NKAIN2: variants seen among roughly 807,000 people sequenced by gnomAD.
The protein encoded by NKAIN2 is sodium/potassium-transporting ATPase subunit beta-1-interacting protein 2.
A neutral mutation model predicts 32.6 loss-of-function variants in NKAIN2; 14 were observed. That is an observed-to-expected ratio of 0.43 (90% CI 0.28 to 0.67). The LOEUF is 0.67. Ranked by LOEUF, NKAIN2 falls within the 30% of genes least tolerant of loss-of-function variation. The pLI is 0.17. For missense variants in NKAIN2, 198 were observed against 258.3 expected, an observed-to-expected ratio of 0.77 and a Z score of 1.60; for synonymous variants, 80 against 87.2, an observed-to-expected ratio of 0.92 and a Z score of 0.46.
intron 1 of NKAIN2, among the ~76,000 whole-genome samples, chr6:124,267,298 T>G (rs1794537393): frequency 6.6e-6 from 1 of 152,104 alleles, no homozygotes; most frequent in African/African-American, 2.4e-5. Flanking sequence ...AAATGCTAAT[T>G]GCTACCACTC....
chr6:124,440,197 G>C (rs962085091), intron 3 of NKAIN2, among the ~76,000 whole-genome samples: 3 of 152,038 alleles, frequency 2.0e-5, no homozygotes, highest in African/African-American at 4.8e-5. Context: ...GCTCAGTCCT[G>C]AGGTAGGACT....
In NKAIN2 at chr6:123,949,300, A is replaced by G. The variant is rs189035091; in HGVS notation, c.54+145046A>G. On this transcript the variant is annotated intron_variant, in intron 1 of 6. Transcript: ENST00000368417. ...GGCTATGCAGGGTCTTTTTGGTTTCATATGAATAGTAGTAGTATTTTTTCT... is the reference window on the plus strand; with the variant it reads ...GGCTATGCAGGGTCTTTTTGGTTTCGTATGAATAGTAGTAGTATTTTTTCT... Among the ~76,000 whole-genome samples the G allele has an allele frequency of 1.5e-3, 222 of 152,034 alleles. 1 individual carries two copies. The Middle Eastern group carries it at 0.02, about 14-fold the overall frequency.
chr6:124,229,509 T>TAGATAGAC (rs1554269618), intron 1 of NKAIN2, among the ~76,000 whole-genome samples: 7 of 147,606 alleles, frequency 4.7e-5, no homozygotes, highest in African/African-American at 1.6e-4. Flanking sequence ...GACAGATAGA[T>TAGATAGAC]AGATAGATAG....
At chr6:124,573,283 A>G (rs183337202) in intron 3 of NKAIN2, among the ~76,000 whole-genome samples, 2 of 152,198 alleles carry the variant, frequency 1.3e-5, no homozygotes, top group African/African-American at 2.4e-5. Context: ...GCAGCAGCAT[A>G]CGCCTTTCCT....
intron 3 of NKAIN2, among the ~76,000 whole-genome samples, chr6:124,509,948 C>T (rs977462095): frequency 1.1e-4 from 17 of 152,250 alleles, no homozygotes; most frequent in African/African-American, 3.6e-4. Flanking sequence ...ATGTTCCTTT[C>T]AGTCAGAAGA....
chr6:124,633,994 G>A (rs1009768287), intron 3 of NKAIN2, among the ~76,000 whole-genome samples: 4 of 151,468 alleles, frequency 2.6e-5, no homozygotes, highest in Non-Finnish European at 4.4e-5. Flanking sequence ...CACTAACATT[G>A]ATTACAGCCA....
chr6:124,127,532 A>G (rs989885636), intron 1 of NKAIN2, among the ~76,000 whole-genome samples: 6 of 152,132 alleles, frequency 3.9e-5, no homozygotes, highest in African/African-American at 7.2e-5. Flanking sequence ...CTTTGTTTTT[A>G]TACTTAGAAT....
intron 3 of NKAIN2, among the ~76,000 whole-genome samples, chr6:124,429,019 C>G (rs1352240041): frequency 6.6e-6 from 1 of 152,060 alleles, no homozygotes; most frequent in Non-Finnish European, 1.5e-5. Flanking sequence ...TGTTCTCATG[C>G]ATGTGAACTC....
At chr6:124,328,510 T>C (rs1797511298) in intron 2 of NKAIN2, among the ~76,000 whole-genome samples, 1 of 152,202 alleles carries the variant, frequency 6.6e-6, no homozygotes, top group Admixed American at 6.5e-5. Flanking sequence ...TCAGCTACCC[T>C]GGGATACAGA....
chr6:124,715,308 A>T (rs1217338700), intron 4 of NKAIN2, among the ~76,000 whole-genome samples: 1 of 152,178 alleles, frequency 6.6e-6, no homozygotes, highest in Non-Finnish European at 1.5e-5. Flanking sequence ...GCTTGACCAC[A>T]TATTAGGAGA....
rs180985144 is a variant in NKAIN2 at position 124,646,905 on chromosome 6, C to T, written c.274-11281C>T. Among the ~76,000 whole-genome samples the T allele has an allele frequency of 5.9e-5, 9 of 152,032 alleles. No homozygotes were observed. In the East Asian group the frequency reaches 1.7e-3, roughly 29 times the overall value. Reference sequence around the variant, plus strand: ...GGCGGAGGTTGTAGTGAGCTGAGATCATGCCACTGCACTCCAGTCTGGGTG... The same window carrying T: ...GGCGGAGGTTGTAGTGAGCTGAGATTATGCCACTGCACTCCAGTCTGGGTG... On this transcript the variant is annotated intron_variant, in intron 3 of 6. Transcript: ENST00000368417.
intron 4 of NKAIN2, among the ~76,000 whole-genome samples, chr6:124,725,130 A>G (rs1776208456): frequency 6.6e-6 from 1 of 152,186 alleles, no homozygotes; most frequent in Admixed American, 6.5e-5. Context: ...ATGAACCATC[A>G]TGTTAAGTAG....
chr6:124,523,501 A>G (rs1248339914), intron 3 of NKAIN2, among the ~76,000 whole-genome samples: 1 of 14,260 alleles, frequency 7.0e-5, no homozygotes, highest in African/African-American at 7.7e-5. Context: ...AGTGAATCAC[A>G]ATGGAAAGTA....
At chr6:124,267,998 A>C (rs1562461007) in intron 1 of NKAIN2, among the ~76,000 whole-genome samples, 1 of 152,148 alleles carries the variant, frequency 6.6e-6, no homozygotes, top group Non-Finnish European at 1.5e-5. Flanking sequence ...GCCTTTATGT[A>C]GTCTTTTTAA....
chr6:124,129,623 T>C (rs1292736933), intron 1 of NKAIN2, among the ~76,000 whole-genome samples: 2 of 152,052 alleles, frequency 1.3e-5, no homozygotes, highest in Non-Finnish European at 2.9e-5. Context: ...TGAACAGCAA[T>C]CTTTTTTTTT....
chr6:123,869,965 T>C (rs575681596), intron 1 of NKAIN2, among the ~76,000 whole-genome samples: 57 of 152,288 alleles, frequency 3.7e-4, no homozygotes, highest in African/African-American at 1.2e-3. Context: ...AAGTTGAAAA[T>C]ATTTTATCAA....
intron 1 of NKAIN2, among the ~76,000 whole-genome samples, chr6:124,228,855 A>G (rs912393165): frequency 6.6e-6 from 1 of 152,220 alleles, no homozygotes; most frequent in African/African-American, 2.4e-5. Context: ...TACCAGATAT[A>G]CTTTCAATAG....
At chr6:123,935,835 G>A (rs1776478661) in intron 1 of NKAIN2, among the ~76,000 whole-genome samples, 1 of 152,012 alleles carries the variant, frequency 6.6e-6, no homozygotes, top group Non-Finnish European at 1.5e-5. Context: ...TATTCTGGAG[G>A]TTCTTTTGTG....
intron 3 of NKAIN2, among the ~76,000 whole-genome samples, chr6:124,553,183 T>G (rs1317003355): frequency 6.6e-6 from 1 of 152,236 alleles, no homozygotes; most frequent in African/African-American, 2.4e-5. Flanking sequence ...GTTATTGGAA[T>G]TCCTCAAAAC....
Sources: gnomAD v4.1 joint callset for allele counts (sites outside exome capture counted in the v4.1 genomes callset) on GRCh38, gnomAD v4.1.1 for gene constraint, MANE v1.5 for transcripts, NCBI Gene and HGNC (gene_info 2026-07-23, HGNC 2026-07-21) for gene names.